The following ATP6V1B1 variants were observed in gnomAD, a reference collection of about 807,000 sequenced individuals.
ATP6V1B1 encodes the protein V-type proton ATPase subunit B, kidney isoform.
In ATP6V1B1, 41 loss-of-function variants were observed where a neutral mutation model predicts 62.1. The observed-to-expected ratio is 0.66, with a 90% CI of 0.51 to 0.86. The LOEUF (loss-of-function observed/expected upper bound fraction) is 0.86. Among genes scored for constraint, ATP6V1B1 ranks in the 40% least tolerant of loss-of-function variants. The pLI is 0.00. For synonymous variants in ATP6V1B1, 253 were observed against 273.4 expected (o/e 0.93, Z 0.74); for missense variants, 651 against 697.5 (o/e 0.93, Z 0.75).
chr2:70,941,555 C>A (rs1680005458), intron 1 of ATP6V1B1: 2 of 859,556 alleles, frequency 2.3e-6, no homozygotes, highest in South Asian at 1.1e-4. Flanking sequence ...CCATCCTGAT[C>A]TTTCCCTTAG....
Position 70,959,885 on chromosome 2 carries a change from G to C in ATP6V1B1, c.446-54G>C. ...TGGAGTCTGGGGTCAGTGTCGAGGA[G>C]AGCAGGGAAGGGTTTGAACCCCTGA... is the stretch of plus-strand genomic sequence containing the variant. On this transcript the variant is annotated intron_variant, in intron 5 of 13. Coordinates refer to ENST00000234396, the MANE Select transcript of ATP6V1B1 (RefSeq NM_001692.4). The surrounding 1 kb of genome is among the most constrained non-coding windows in gnomAD (Gnocchi z 4.2). 7 of 1,613,796 alleles carry C rather than the reference G, an allele frequency of 4.3e-6. No homozygotes were observed. The highest frequency in any genetic ancestry group is 2.2e-5 in the East Asian group (1 of 44,876).
In ATP6V1B1 at chr2:70,963,291, A is replaced by G. The variant is rs1553420443; in HGVS notation, c.1039A>G (p.Ile347Val). The G allele has an allele frequency of 1.2e-6, 2 of 1,613,366 alleles. No individual in the cohort carries two copies. The highest frequency in any genetic ancestry group is 1.7e-5 in the Admixed American group (1 of 60,018). The change falls in exon 10 of 14, where the codon ATC becomes GTC. Residue 347 changes from isoleucine (I) to valine (V), a missense_variant. By Grantham distance (29) the Ile-to-Val change is conservative. Transcript: ENST00000234396. The surrounding 1 kb of genome is among the most constrained non-coding windows in gnomAD (Gnocchi z 4.3). ...GRGGSITQIPILTMPNDDITH... is the reference protein window; with the variant it reads ...GRGGSITQIPVLTMPNDDITH... Reference sequence around the variant, plus strand: ...GGGAGGATCCATCACACAGATCCCCATCCTCACCATGCCCAACGACGGTAG... The same window carrying G: ...GGGAGGATCCATCACACAGATCCCCGTCCTCACCATGCCCAACGACGGTAG...
At position 70,965,262 on chromosome 2, in the gene ATP6V1B1, C is replaced by A; in HGVS notation, c.*141C>A. 1 of 1,188,726 alleles carries A rather than the reference C, an allele frequency of 8.4e-7. No individual in the cohort carries two copies. Among genetic ancestry groups the A allele is most frequent in the Non-Finnish European group, 1.2e-6 (1 of 848,052 alleles). 73.6% of individuals were successfully genotyped at this position (1,188,726 alleles called of 1,614,324 possible). On this transcript the variant is annotated 3_prime_UTR_variant, in exon 14 of 14. Transcript: ENST00000234396. ...TCCGAGGTGGTGGGGGCGCCGCACG[C>A]TCCATCCCTTTCCCTCGCTCGATTC... is the stretch of plus-strand genomic sequence containing the variant.
At chr2:70,936,208 C>A in intron 1 of ATP6V1B1, 136 bp downstream of exon 1, 1 of 928,064 alleles carries the variant, frequency 1.1e-6, no homozygotes, top group Non-Finnish European at 1.6e-6. Context: ...GGCTCTCTGT[C>A]CAGCAGAGTG....
intron 11 of ATP6V1B1, 103 bp from the exon 12 acceptor site, chr2:70,964,335 G>T: frequency 8.0e-7 from 1 of 1,243,412 alleles, no homozygotes. Context: ...TTGACCCCTC[G>T]GAATGTAGGA....
chr2:70,963,398 C>T lies in ATP6V1B1; in HGVS notation c.1060+86C>T. ...TACTTAAAGGGCCCACGTTGCTTTG[C>T]ACAGATGTGCAGCAGCGCTTTTCCT... is the stretch of plus-strand genomic sequence containing the variant. On this transcript the variant is annotated intron_variant, in intron 10 of 13. Transcript: ENST00000234396. This position sits in a 1 kb window ranked among gnomAD's most constrained non-coding sequence, Gnocchi z 4.3. 1 of 1,598,950 alleles carries T rather than the reference C, an allele frequency of 6.3e-7. No homozygotes were observed.
intron 2 of ATP6V1B1, among the ~76,000 whole-genome samples, chr2:70,945,521 A>C (rs13426205): frequency 0.16 from 23,662 of 151,440 alleles, 2,159 homozygotes; most frequent in East Asian, 0.48. Context: ...AGAATGGGGG[A>C]TTGTGTCTGT....
At chr2:70,944,043 A>C (rs1680083862) in intron 2 of ATP6V1B1, 1 of 1,318,034 alleles carries the variant, frequency 7.6e-7, no homozygotes, top group African/African-American at 1.5e-5. Flanking sequence ...CCTCAGAGGA[A>C]GGCTGGACCA....
In ATP6V1B1 at chr2:70,963,429, G is replaced by A. The variant is rs1191086894; in HGVS notation, c.1060+117G>A. The A allele has an allele frequency of 1.2e-5, 19 of 1,551,318 alleles. No individual in the cohort carries two copies. The highest frequency in any genetic ancestry group is 1.5e-5 in the Non-Finnish European group (17 of 1,127,716). On this transcript the variant is annotated intron_variant, in intron 10 of 13. Coordinates refer to ENST00000234396, the MANE Select transcript of ATP6V1B1 (RefSeq NM_001692.4). The surrounding 1 kb of genome is among the most constrained non-coding windows in gnomAD (Gnocchi z 4.3). Reference sequence around the variant, plus strand: ...TGTGCAGCAGCGCTTTTCCTCCATCGAGATAGACACTGCCCTTTCCTCCAC... The same window carrying A: ...TGTGCAGCAGCGCTTTTCCTCCATCAAGATAGACACTGCCCTTTCCTCCAC...
chr2:70,944,176 A>T, intron 2 of ATP6V1B1: 1 of 1,287,944 alleles, frequency 7.8e-7, no homozygotes, highest in Non-Finnish European at 1.0e-6. Context: ...TTTTCTAGGG[A>T]TCTTGATGGC....
Position 70,936,021 on chromosome 2 carries a change from C to G in ATP6V1B1, c.67C>G (p.Arg23Gly). 2 of 1,613,992 alleles carry G rather than the reference C, an allele frequency of 1.2e-6. No homozygotes were observed. The highest frequency in any genetic ancestry group is 8.5e-7 in the Non-Finnish European group (1 of 1,179,958). ...PGSSCNLGAA[R>G]EHMQAVTRNY... ...CAGTAGCTGCAACCTAGGTGCAGCC[C>G]GAGAACACATGCAGGCGGTCACCCG... Residue 23 changes from arginine (R) to glycine (G), a missense_variant, in exon 1 of 14, where the codon CGA becomes GGA. Transcript: ENST00000234396.
Position 70,958,935 on chromosome 2 carries a change from C to G in ATP6V1B1, c.368-83C>G, listed in dbSNP as rs1680514140. 3.7e-6 allele frequency: 5 copies of G among 1,361,294 alleles called. No homozygotes were observed. In the South Asian group the frequency reaches 4.9e-5, roughly 13 times the overall value. The allele number at this position is 1,361,294 out of a possible 1,614,324, so 84.3% of individuals were successfully genotyped here. Reference sequence around the variant, plus strand: ...CACTCCTGTGGGGAGTGGGTGGGAGCTGGTGGTGGTGTGGAGGGTAGACAG... The same window carrying G: ...CACTCCTGTGGGGAGTGGGTGGGAGGTGGTGGTGGTGTGGAGGGTAGACAG... On this transcript the variant is annotated intron_variant, in intron 4 of 13. Coordinates refer to ENST00000234396, the MANE Select transcript of ATP6V1B1 (RefSeq NM_001692.4).
At chr2:70,944,605 A>G (rs1275658356) in intron 2 of ATP6V1B1, among the ~76,000 whole-genome samples, 2 of 151,552 alleles carry the variant, frequency 1.3e-5, no homozygotes, top group Non-Finnish European at 2.9e-5. Flanking sequence ...CCAGCCCTTC[A>G]GACCTGACCC....
intron 2 of ATP6V1B1, among the ~76,000 whole-genome samples, chr2:70,950,268 C>T (rs1680290081): frequency 6.6e-6 from 1 of 152,102 alleles, no homozygotes; most frequent in South Asian, 2.1e-4. Context: ...AAAGGCAAGT[C>T]CTCTATCTCT....
chr2:70,951,786 A>G (rs1054515738), intron 2 of ATP6V1B1, among the ~76,000 whole-genome samples: 6 of 151,898 alleles, frequency 4.0e-5, no homozygotes, highest in African/African-American at 1.5e-4. Flanking sequence ...GTAATCCCAG[A>G]TACTTGGGAG....
chr2:70,953,966 T>C (rs557687858), intron 2 of ATP6V1B1, among the ~76,000 whole-genome samples: 17 of 152,306 alleles, frequency 1.1e-4, no homozygotes, highest in South Asian at 1.0e-3. Context: ...TTTAATATTA[T>C]CAGTTTATCT....
At position 70,959,855 on chromosome 2, in the gene ATP6V1B1, G is replaced by A. The variant is rs553909843; in HGVS notation, c.446-84G>A. On this transcript the variant is annotated intron_variant, in intron 5 of 13. Coordinates refer to ENST00000234396, the MANE Select transcript of ATP6V1B1 (RefSeq NM_001692.4). This position sits in a 1 kb window ranked among gnomAD's most constrained non-coding sequence, Gnocchi z 4.2. Reference sequence around the variant, plus strand: ...CACAGAAAGTTCCGTCAAACAGGGCGGCTCTGGAGTCTGGGGTCAGTGTCG... The same window carrying A: ...CACAGAAAGTTCCGTCAAACAGGGCAGCTCTGGAGTCTGGGGTCAGTGTCG... The A allele has an allele frequency of 3.0e-5, 49 of 1,606,958 alleles. No individual in the cohort carries two copies. The highest frequency in any genetic ancestry group is 2.1e-4 in the African/African-American group (16 of 74,900).
intron 11 of ATP6V1B1, chr2:70,964,188 GTT>G: frequency 3.1e-6 from 1 of 320,508 alleles, no homozygotes. Context: ...ATTATCAAAA[GTT>G]TTGAAATACT....
At chr2:70,961,761 T>A in intron 8 of ATP6V1B1, 68 bp downstream of exon 8, 1 of 1,462,032 alleles carries the variant, frequency 6.8e-7, no homozygotes, top group Non-Finnish European at 9.6e-7. Context: ...AGACCTACAG[T>A]ACCAGGGCTC....
Sources: allele counts gnomAD v4.1 joint callset (sites outside exome capture counted in the v4.1 genomes callset), GRCh38; gene constraint gnomAD v4.1.1; non-coding constraint Gnocchi (gnomAD v3.1); transcripts MANE v1.5; gene names NCBI Gene and HGNC (gene_info 2026-07-23, HGNC 2026-07-21).